The following SCAMP2 variants were observed in gnomAD, a reference collection of about 807,000 sequenced individuals.
The protein encoded by SCAMP2 is secretory carrier membrane protein 2, also known as secretory carrier-associated membrane protein 2.
In SCAMP2, 25 loss-of-function variants were observed where a neutral mutation model predicts 44.1. The ratio of observed to expected loss-of-function variants is 0.57; its 90% CI spans 0.41 to 0.79. The LOEUF (loss-of-function observed/expected upper bound fraction) is 0.79. Among genes scored for constraint, SCAMP2 ranks in the 30% least tolerant of loss-of-function variants. The pLI is 0.00. For missense variants in SCAMP2, 355 were observed against 411.0 expected, an observed-to-expected ratio of 0.86 and a Z score of 1.18; for synonymous variants, 156 against 166.0, an observed-to-expected ratio of 0.94 and a Z score of 0.46.
At chr15:74,845,731 G>T in intron 7 of SCAMP2, 138 bp from the exon 8 acceptor site, 2 of 1,080,694 alleles carry the variant, frequency 1.9e-6, no homozygotes, top group Non-Finnish European at 2.7e-6. Flanking sequence ...AGCCCTGTGA[G>T]CCAGAAGCCC....
intron 1 of SCAMP2, among the ~76,000 whole-genome samples, chr15:74,868,756 C>T (rs2064558281): frequency 6.6e-6 from 1 of 152,114 alleles, no homozygotes; most frequent in African/African-American, 2.4e-5. Flanking sequence ...GTTGCCTAGG[C>T]CATTCTCAAA....
intron 1 of SCAMP2, among the ~76,000 whole-genome samples, chr15:74,858,262 T>C (rs1013865620): frequency 1.3e-5 from 2 of 152,084 alleles, no homozygotes; most frequent in South Asian, 2.1e-4. Flanking sequence ...CTGTGTCGAG[T>C]TGTCAGAAAA....
At position 74,849,472 on chromosome 15, in the gene SCAMP2, G is replaced by A. The variant is rs891530496; in HGVS notation, c.633-771C>T. ...CAAAAAAACAAAACAGGCTGGGCAC[G>A]GTGGTTCACACTCGTAATCCCAGCA... On this transcript the variant is annotated intron_variant, in intron 6 of 8. Transcript: ENST00000268099. 2.6e-5 allele frequency among the ~76,000 whole-genome samples: 4 copies of A among 151,878 alleles called. No individual in the cohort carries two copies. The South Asian group carries it at 6.2e-4, about 24-fold the overall frequency.
rs1027807870 is a variant in SCAMP2, at chr15:74,844,370, C to A, written c.*713G>T. The stretch of plus-strand genomic sequence containing the variant: ...CAACGGCATTGTACATTCAGAAAGT[C>A]TGAAGAGAGTAAGGCTCAGCAAGGG... On this transcript the variant is annotated 3_prime_UTR_variant, in exon 9 of 9. Coordinates refer to ENST00000268099, the MANE Select transcript of SCAMP2 (RefSeq NM_005697.5). 2.0e-5 allele frequency: 3 copies of A among 152,294 alleles called. No homozygotes were observed. The highest frequency in any genetic ancestry group is 2.9e-5 in the Non-Finnish European group (2 of 68,140). 9.4% of individuals were successfully genotyped at this position (152,294 alleles called of 1,614,324 possible). A position where few individuals can be genotyped will look rare whatever the true frequency, so the allele number is the denominator to read the frequency against.
chr15:74,857,062 C>A (rs1308544969), intron 1 of SCAMP2, among the ~76,000 whole-genome samples: 1 of 152,170 alleles, frequency 6.6e-6, no homozygotes, highest in Admixed American at 6.5e-5. Context: ...TGAATATGTT[C>A]TCTGGTTTTA....
chr15:74,861,028 A>T (rs576455936), intron 1 of SCAMP2, among the ~76,000 whole-genome samples: 17 of 151,854 alleles, frequency 1.1e-4, no homozygotes, highest in Admixed American at 2.6e-4. Flanking sequence ...TACAAAAATT[A>T]GCCAGGCATG....
chr15:74,848,806 G>A, intron 6 of SCAMP2, 105 bp from the exon 7 acceptor site: 2 of 769,042 alleles, frequency 2.6e-6, no homozygotes, highest in South Asian at 1.7e-5. Context: ...GAGGCAGCAT[G>A]GGCAAGAGAC....
intron 1 of SCAMP2, among the ~76,000 whole-genome samples, chr15:74,866,526 C>T (rs932451772): frequency 2.0e-5 from 3 of 152,136 alleles, no homozygotes; most frequent in East Asian, 3.9e-4. Context: ...GCCTGACCAA[C>T]GTGGTTGAAA....
chr15:74,852,179 AC>A lies in SCAMP2; in HGVS notation c.232del (p.Val78CysfsTer33). ...EPTQPTPQAV[V>X]SAAQAGLLRQ... ...GAGCAGGCCTGCCTGGGCTGCAGAC[AC>A]CACGGCCTGGAGAGAACAGGGGAGG... On this transcript the variant is annotated frameshift_variant, in exon 4 of 9. Transcript: ENST00000268099. LOFTEE classifies it high-confidence loss of function. The A allele has an allele frequency of 6.5e-7, 1 of 1,536,248 alleles. No homozygotes were observed. The highest frequency in any genetic ancestry group is 8.8e-7 in the Non-Finnish European group (1 of 1,142,122).
Position 74,850,637 on chromosome 15 carries a change from C to T in SCAMP2, c.509G>A (p.Cys170Tyr). Residue 170 changes from cysteine to tyrosine, a missense_variant, in exon 6 of 9, where the codon TGC becomes TAC. By Grantham distance (194) the Cys-to-Tyr change is radical. Coordinates refer to ENST00000268099, the MANE Select transcript of SCAMP2 (RefSeq NM_005697.5). ...SVTLFLNLLACLAWFSGNSSK... is the reference protein window; with the variant it reads ...SVTLFLNLLAYLAWFSGNSSK... ...GCTGTTGCCCGAGAACCAGGCCAGGCAGGCAAGCAGGTTCAGAAACAGAGT... is the reference window on the plus strand; with the variant it reads ...GCTGTTGCCCGAGAACCAGGCCAGGTAGGCAAGCAGGTTCAGAAACAGAGT... The T allele has an allele frequency of 6.2e-7, 1 of 1,614,094 alleles. No individual in the cohort carries two copies. Among genetic ancestry groups the T allele is most frequent in the Non-Finnish European group, 8.5e-7 (1 of 1,179,978 alleles).
rs972535023 is a variant in SCAMP2, at chr15:74,868,203, G to C, written c.57+4996C>G. The stretch of plus-strand genomic sequence containing the variant: ...TTTCCTGCTTCCTCCTAGGAGGTGG[G>C]CAAACCTCTGTGGCACACTCATATC... On this transcript the variant is annotated intron_variant, in intron 1 of 8. Coordinates refer to ENST00000268099, the MANE Select transcript of SCAMP2 (RefSeq NM_005697.5). 3.3e-5 allele frequency among the ~76,000 whole-genome samples: 5 copies of C among 152,162 alleles called. No homozygotes were observed. The East Asian group carries it at 9.6e-4, about 29-fold the overall frequency.
intron 1 of SCAMP2, among the ~76,000 whole-genome samples, chr15:74,863,196 T>C (rs1434120476): frequency 1.3e-5 from 2 of 151,708 alleles, no homozygotes; most frequent in Non-Finnish European, 1.5e-5. Context: ...AATACAAAAA[T>C]TAGCCGGGTG....
intron 1 of SCAMP2, among the ~76,000 whole-genome samples, chr15:74,859,001 G>A (rs939763291): frequency 2.6e-5 from 4 of 151,590 alleles, no homozygotes; most frequent in Non-Finnish European, 5.9e-5. Flanking sequence ...AGTAGAGATA[G>A]GTTTCACTGT....
chr15:74,845,325 A>AC (rs1256088040), intron 8 of SCAMP2, 108 bp from the exon 9 acceptor site: 5 of 1,577,906 alleles, frequency 3.2e-6, no homozygotes, highest in Admixed American at 1.7e-5. Flanking sequence ...GCACTGCCTG[A>AC]CCCCCCACCC....
intron 7 of SCAMP2, among the ~76,000 whole-genome samples, chr15:74,847,483 T>C (rs2064407628): frequency 6.6e-6 from 1 of 152,084 alleles, no homozygotes; most frequent in Non-Finnish European, 1.5e-5. Context: ...TAAGGAGTAA[T>C]GAAATTGGGT....
chr15:74,868,945 C>G (rs1403700192), intron 1 of SCAMP2, among the ~76,000 whole-genome samples: 1 of 152,110 alleles, frequency 6.6e-6, no homozygotes, highest in East Asian at 1.9e-4. Flanking sequence ...CACCTGAGGT[C>G]TGGAGTTCGT....
intron 1 of SCAMP2, among the ~76,000 whole-genome samples, chr15:74,860,863 AAAC>A (rs1243984644): frequency 4.7e-5 from 7 of 150,488 alleles, no homozygotes; most frequent in African/African-American, 1.7e-4. Context: ...TCAAAAAAAT[AAAC>A]AATAATAATA....
chr15:74,845,000 C>G lies in SCAMP2; in HGVS notation c.*83G>C, dbSNP rs1362038795. On this transcript the variant is annotated 3_prime_UTR_variant, in exon 9 of 9. Transcript: ENST00000268099. ...CCTGCCAGGTCTGTGCTGGGCACAA[C>G]CACCACCACATAAGGCACCCACGGA... 1 of 1,486,476 alleles carries G rather than the reference C, an allele frequency of 6.7e-7. No individual in the cohort carries two copies. Among genetic ancestry groups the G allele is most frequent in the East Asian group, 2.3e-5 (1 of 43,852 alleles). 92.1% of individuals were successfully genotyped at this position (1,486,476 alleles called of 1,614,324 possible). A position where few individuals can be genotyped will look rare whatever the true frequency, so the allele number is the denominator to read the frequency against.
At chr15:74,855,775 C>T (rs1157175997) in intron 1 of SCAMP2, among the ~76,000 whole-genome samples, 1 of 151,260 alleles carries the variant, frequency 6.6e-6, no homozygotes, top group Non-Finnish European at 1.5e-5. Context: ...ATGCTGCTGG[C>T]TGCCAGTACT....
Sources: gnomAD v4.1 joint callset for allele counts (sites outside exome capture counted in the v4.1 genomes callset) on GRCh38, gnomAD v4.1.1 for gene constraint, MANE v1.5 for transcripts, NCBI Gene and HGNC (gene_info 2026-07-23, HGNC 2026-07-21) for gene names.